ARHGAP28: variants seen among roughly 807,000 people sequenced by gnomAD.
ARHGAP28 encodes the protein rho GTPase-activating protein 28.
In ARHGAP28, 56 loss-of-function variants were observed where a neutral mutation model predicts 90.7. That is an observed-to-expected ratio of 0.62 (90% CI 0.50 to 0.77). The LOEUF is 0.77. Among genes scored for constraint, ARHGAP28 ranks in the 30% least tolerant of loss-of-function variants. The pLI is 0.00. For synonymous variants in ARHGAP28, 308 were observed against 323.3 expected (o/e 0.95, Z 0.51); for missense variants, 869 against 900.9 (o/e 0.96, Z 0.45).
intron 5 of ARHGAP28, among the ~76,000 whole-genome samples, chr18:6,865,537 A>G (rs956376774): frequency 6.6e-6 from 1 of 152,278 alleles, no homozygotes; most frequent in Non-Finnish European, 1.5e-5. Context: ...GCTTTAGTAC[A>G]TGGAGTCATA....
At chr18:6,743,658 A>G (rs1464349327) in intron 1 of ARHGAP28, among the ~76,000 whole-genome samples, 1 of 152,258 alleles carries the variant, frequency 6.6e-6, no homozygotes, top group Non-Finnish European at 1.5e-5. Flanking sequence ...AGCTTCATAC[A>G]TAAAACTGAG....
chr18:6,890,443 T>G lies in ARHGAP28; in HGVS notation c.1748T>G (p.Leu583Ter). ...QKILWKVPSF[L>*]ITQVRRMNEA... Reference sequence around the variant, plus strand: ...TTTCTTCTCCAGGTTCCATCTTTCTTAATCACTCAAGTAAGAAGAATGAAT... The same window carrying G: ...TTTCTTCTCCAGGTTCCATCTTTCTGAATCACTCAAGTAAGAAGAATGAAT... Residue 583 changes from leucine (L) to a stop codon, truncating the protein, a stop_gained, in exon 14 of 18, where the codon TTA becomes TGA. Coordinates refer to ENST00000383472, the MANE Select transcript of ARHGAP28 (RefSeq NM_001366230.1). LOFTEE classifies it high-confidence loss of function. The G allele has an allele frequency of 6.2e-7, 1 of 1,610,192 alleles. No homozygotes were observed. Among genetic ancestry groups the G allele is most frequent in the Non-Finnish European group, 8.5e-7 (1 of 1,177,676 alleles).
chr18:6,784,206 T>C (rs1368538158), intron 1 of ARHGAP28, among the ~76,000 whole-genome samples: 5 of 152,098 alleles, frequency 3.3e-5, no homozygotes, highest in Admixed American at 6.5e-5. Context: ...CCTGGAGGTG[T>C]GTCTAAACTG....
In ARHGAP28 at chr18:6,866,567, T is replaced by TG. The variant is rs563814363; in HGVS notation, c.727-1582dup. Among the ~76,000 whole-genome samples the TG allele has an allele frequency of 4.3e-4, 66 of 152,306 alleles. No individual in the cohort carries two copies. In the South Asian group the frequency reaches 0.014, roughly 32 times the overall value. On this transcript the variant is annotated intron_variant, in intron 5 of 17. Coordinates refer to ENST00000383472, the MANE Select transcript of ARHGAP28 (RefSeq NM_001366230.1). ...CTCTCAATCGCTCTCCAATAACACT[T>TG]GCAGTTGGTATTACAGAAATTAGTT...
At chr18:6,866,347 C>T (rs2057037961) in intron 5 of ARHGAP28, among the ~76,000 whole-genome samples, 1 of 152,192 alleles carries the variant, frequency 6.6e-6, no homozygotes, top group Non-Finnish European at 1.5e-5. Flanking sequence ...TCCTGGTACC[C>T]CAGTCTCTTC....
chr18:6,729,880 C>G lies in ARHGAP28; in HGVS notation c.59C>G (p.Ala20Gly). 2 of 1,433,782 alleles carry G rather than the reference C, an allele frequency of 1.4e-6. No homozygotes were observed. The highest frequency in any genetic ancestry group is 1.4e-5 in the South Asian group (1 of 71,260). 88.8% of individuals were successfully genotyped at this position (1,433,782 alleles called of 1,614,324 possible). ...VLTAYHSYAR[A>G]QPPNAESRCA... ...ACCGCCTACCACTCGTACGCGCGCG[C>G]CCAGCCCCCCAACGCCGAGTCGCGC... The change falls in exon 1 of 18, where the codon GCC becomes GGC. Residue 20 changes from alanine (A) to glycine (G), a missense_variant. Ala to Gly is a moderately conservative substitution (Grantham distance 60, BLOSUM62 0). Coordinates refer to ENST00000383472, the MANE Select transcript of ARHGAP28 (RefSeq NM_001366230.1).
chr18:6,774,257 A>G (rs2056266056), intron 1 of ARHGAP28: 1 of 152,218 alleles, frequency 6.6e-6, no homozygotes, highest in South Asian at 2.1e-4. Context: ...GCACTTCTTA[A>G]TAACTTCGGC....
rs1195021243 is a variant in ARHGAP28, at chr18:6,915,714, A to G, written c.*3560A>G. On this transcript the variant is annotated 3_prime_UTR_variant, in exon 18 of 18. Transcript: ENST00000383472. The stretch of plus-strand genomic sequence containing the variant: ...TAAGAAATAAAGAGAAAAAAACTAA[A>G]AACATTGTATGAGAATTCTTCTACT... 6.6e-6 allele frequency: 1 copy of G among 152,226 alleles called. No individual in the cohort carries two copies. Among genetic ancestry groups the G allele is most frequent in the Admixed American group, 6.5e-5 (1 of 15,286 alleles). 9.4% of individuals were successfully genotyped at this position (152,226 alleles called of 1,614,324 possible). A position where few individuals can be genotyped will look rare whatever the true frequency, so the allele number is the denominator to read the frequency against.
Position 6,758,289 on chromosome 18 carries a change from T to C in ARHGAP28, c.122+28346T>C, listed in dbSNP as rs114358699. Among the ~76,000 whole-genome samples, 1,130 of 151,918 alleles carry C rather than the reference T, an allele frequency of 7.4e-3. 13 individuals are homozygous for C. Among genetic ancestry groups the C allele is most frequent in the African/African-American group, 0.026 (1,078 of 41,454 alleles). On this transcript the variant is annotated intron_variant, in intron 1 of 17. Coordinates refer to ENST00000383472, the MANE Select transcript of ARHGAP28 (RefSeq NM_001366230.1). ...TAAAGCATAACTAAGACTGTCCTTT[T>C]TTGCTTCGGTTTAGGGCAGAGATTC...
intron 1 of ARHGAP28, among the ~76,000 whole-genome samples, chr18:6,811,621 G>A (rs927396535): frequency 2.0e-5 from 3 of 152,006 alleles, no homozygotes; most frequent in Admixed American, 2.0e-4. Context: ...AGAAACTTTC[G>A]CTTACCTTCC....
Position 6,818,655 on chromosome 18 carries a change from G to T in ARHGAP28, c.123-6107G>T, listed in dbSNP as rs190249516. ...GGCCTGGAAAGGGATCCCCCAAGAG[G>T]TGGCATTTACATTGCAAGCTGAATG... On this transcript the variant is annotated intron_variant, in intron 1 of 17. Coordinates refer to ENST00000383472, the MANE Select transcript of ARHGAP28 (RefSeq NM_001366230.1). 3.0e-4 allele frequency among the ~76,000 whole-genome samples: 46 copies of T among 152,278 alleles called. No homozygotes were observed. The East Asian group carries it at 6.0e-3, about 20-fold the overall frequency.
In ARHGAP28 at chr18:6,915,454, G is replaced by A. The variant is rs1027350901; in HGVS notation, c.*3300G>A. 5 of 152,180 alleles carry A rather than the reference G, an allele frequency of 3.3e-5. No individual in the cohort carries two copies. Among genetic ancestry groups the A allele is most frequent in the African/African-American group, 1.2e-4 (5 of 41,440 alleles). The allele number at this position is 152,180 out of a possible 1,614,324, so 9.4% of individuals were successfully genotyped here. On this transcript the variant is annotated 3_prime_UTR_variant, in exon 18 of 18. Coordinates refer to ENST00000383472, the MANE Select transcript of ARHGAP28 (RefSeq NM_001366230.1). ...CACAAATAAAAATAATATGTCATGG[G>A]ATTAAAATGTTTGTTTTCAAGCATT...
chr18:6,820,103 G>A (rs2056616695), intron 1 of ARHGAP28, among the ~76,000 whole-genome samples: 1 of 152,034 alleles, frequency 6.6e-6, no homozygotes, highest in African/African-American at 2.4e-5. Context: ...CATATTAACA[G>A]CATAGATACT....
rs138884918 is a variant in ARHGAP28, at chr18:6,739,645, T to TTCTCTC, written c.122+9724_122+9729dup. Among the ~76,000 whole-genome samples, 860 of 145,020 alleles carry TTCTCTC rather than the reference T, an allele frequency of 5.9e-3. 6 individuals carry two copies. Among genetic ancestry groups the TTCTCTC allele is most frequent in the Middle Eastern group, 0.021 (6 of 284 alleles). On this transcript the variant is annotated intron_variant, in intron 1 of 17. Transcript: ENST00000383472. ...AGCAGACATTCAAATTGACTAAGCT[T>TTCTCTC]TCTCTCTCTCTCTCTCTCTCTCTCT...
chr18:6,889,856 C>T, intron 12 of ARHGAP28, 32 bp from the exon 13 acceptor site: 1 of 1,604,174 alleles, frequency 6.2e-7, no homozygotes, highest in Non-Finnish European at 8.5e-7. Context: ...TGACAGTGTA[C>T]AATTGTATGA....
At chr18:6,856,384 A>G (rs1025203009) in intron 4 of ARHGAP28, among the ~76,000 whole-genome samples, 2 of 152,208 alleles carry the variant, frequency 1.3e-5, no homozygotes, top group African/African-American at 2.4e-5. Flanking sequence ...TCAGTTTCTC[A>G]GAAGGTAAGA....
rs199782367 is a variant in ARHGAP28 at position 6,890,048 on chromosome 18, T to C, written c.1697T>C (p.Ile566Thr). The C allele has an allele frequency of 8.7e-5, 141 of 1,614,174 alleles. No homozygotes were observed. The highest frequency in any genetic ancestry group is 1.1e-4 in the Non-Finnish European group (135 of 1,180,022). ...LLLANTAAHI[I>T]RLMLKYQKIL... ...TTAGCAAACACTGCGGCCCACATCA[T>C]CCGCCTAATGCTTAAGTACCAGAAG... is the stretch of plus-strand genomic sequence containing the variant. Residue 566 changes from isoleucine (I) to threonine (T), a missense_variant, in exon 13 of 18, where the codon ATC (isoleucine) becomes ACC (threonine). Transcript: ENST00000383472.
chr18:6,827,296 G>T (rs2056673347), intron 2 of ARHGAP28, among the ~76,000 whole-genome samples: 1 of 150,794 alleles, frequency 6.6e-6, no homozygotes, highest in Non-Finnish European at 1.5e-5. Context: ...TCCCGGACGG[G>T]GCGGCTGGCC....
Position 6,844,926 on chromosome 18 carries a change from G to A in ARHGAP28, c.544-6108G>A, listed in dbSNP as rs575851538. Reference sequence around the variant, plus strand: ...TAATAACAAAAATAACAACACCCACGGCAATAGCTGCAGCCAGAAGTCAAA... The same window carrying A: ...TAATAACAAAAATAACAACACCCACAGCAATAGCTGCAGCCAGAAGTCAAA... On this transcript the variant is annotated intron_variant, in intron 3 of 17. Transcript: ENST00000383472. Among the ~76,000 whole-genome samples, 9 of 152,150 alleles carry A rather than the reference G, an allele frequency of 5.9e-5. No individual in the cohort carries two copies. The East Asian group carries it at 1.5e-3, about 26-fold the overall frequency.
Sources: gnomAD v4.1 joint callset for allele counts (sites outside exome capture counted in the v4.1 genomes callset) on GRCh38, gnomAD v4.1.1 for gene constraint, MANE v1.5 for transcripts, NCBI Gene and HGNC (gene_info 2026-07-23, HGNC 2026-07-21) for gene names.